The following PSME4 variants were observed in gnomAD, a reference collection of about 807,000 sequenced individuals.
PSME4 encodes the protein proteasome activator complex subunit 4.
A neutral mutation model predicts 253.9 loss-of-function variants in PSME4; 89 were observed. The observed-to-expected ratio is 0.35, with a 90% CI of 0.30 to 0.42. PSME4 has a LOEUF of 0.42. Among genes scored for constraint, PSME4 ranks in the 10% least tolerant of loss-of-function variants. The pLI is 1.00. For missense variants in PSME4, 2,014 were observed against 2,195.2 expected (o/e 0.92, Z 1.65); for synonymous variants, 851 against 759.2 (o/e 1.12, Z -1.99).
At chr2:53,875,545 T>C in intron 42 of PSME4, 82 bp downstream of exon 42, 1 of 1,323,288 alleles carries the variant, frequency 7.6e-7, no homozygotes, top group Non-Finnish European at 1.0e-6. Context: ...CTAGGCGCTG[T>C]GTGCACTGCA....
At chr2:53,964,646 C>G (rs181327762) in intron 1 of PSME4, among the ~76,000 whole-genome samples, 292 of 152,322 alleles carry the variant, frequency 1.9e-3, no homozygotes, top group Non-Finnish European at 3.3e-3. Flanking sequence ...ACATTAGATA[C>G]TCTTAGGTGC....
chr2:53,931,793 A>C, intron 10 of PSME4, 42 bp downstream of exon 10: 12 of 1,601,520 alleles, frequency 7.5e-6, no homozygotes, highest in Non-Finnish European at 1.0e-5. Flanking sequence ...ACAGACCAAA[A>C]GAAAAACCTA....
At chr2:53,871,965 G>A (rs1004196647) in intron 43 of PSME4, among the ~76,000 whole-genome samples, 1 of 152,096 alleles carries the variant, frequency 6.6e-6, no homozygotes, top group South Asian at 2.1e-4. Context: ...AGTGAGCCGA[G>A]ATCGCACCAC....
intron 20 of PSME4, among the ~76,000 whole-genome samples, chr2:53,914,621 G>A (rs537302649): frequency 4.7e-4 from 71 of 152,304 alleles, no homozygotes; most frequent in Admixed American, 1.0e-3. Flanking sequence ...AGTGGCTCAC[G>A]CCTGTGATCC....
At chr2:53,872,891 G>T (rs940160145) in intron 43 of PSME4, among the ~76,000 whole-genome samples, 1 of 131,056 alleles carries the variant, frequency 7.6e-6, no homozygotes, top group Non-Finnish European at 1.7e-5. Flanking sequence ...AGAATAATAA[G>T]AAATTAAAAA....
intron 19 of PSME4, among the ~76,000 whole-genome samples, chr2:53,919,987 G>A (rs566288224): frequency 5.1e-4 from 78 of 152,138 alleles, no homozygotes; most frequent in Non-Finnish European, 9.0e-4. Context: ...ATTAGAAAAA[G>A]AAACCCACAA....
chr2:53,869,281 C>T, intron 44 of PSME4, 95 bp downstream of exon 44: 2 of 1,235,294 alleles, frequency 1.6e-6, no homozygotes, highest in East Asian at 2.4e-5. Flanking sequence ...TAGACCTGGG[C>T]ACATACATAC....
At chr2:53,927,260 C>G in intron 12 of PSME4, 134 bp downstream of exon 12, 3 of 651,876 alleles carry the variant, frequency 4.6e-6, no homozygotes, top group Non-Finnish European at 8.0e-6. Context: ...TGTCCTGGCC[C>G]TCCATATGTA....
intron 3 of PSME4, among the ~76,000 whole-genome samples, chr2:53,947,251 G>T (rs1669753311): frequency 6.6e-6 from 1 of 152,136 alleles, no homozygotes; most frequent in Non-Finnish European, 1.5e-5. Flanking sequence ...CTAAGTAAAG[G>T]CTGAGGGTTA....
rs771686453 is a variant in PSME4, at chr2:53,927,501, G to T, written c.1504-18C>A. 3 of 1,502,706 alleles carry T rather than the reference G, an allele frequency of 2.0e-6. No homozygotes were observed. The highest frequency in any genetic ancestry group is 2.8e-5 in the African/African-American group (2 of 72,404). The allele number at this position is 1,502,706 out of a possible 1,614,324, so 93.1% of individuals were successfully genotyped here. A position where few individuals can be genotyped will look rare whatever the true frequency, so the allele number is the denominator to read the frequency against. On this transcript the variant is annotated intron_variant, in intron 11 of 46. Coordinates refer to ENST00000404125, the MANE Select transcript of PSME4 (RefSeq NM_014614.3). Reference sequence around the variant, plus strand: ...AATGTGATCTGTGGAAACATACAAAGGATTTTCAACATTACATAATTCTAA... The same window carrying T: ...AATGTGATCTGTGGAAACATACAAATGATTTTCAACATTACATAATTCTAA...
chr2:53,936,965 C>G (rs1485151439), intron 5 of PSME4, 138 bp from the exon 6 acceptor site: 1 of 589,242 alleles, frequency 1.7e-6, no homozygotes, highest in East Asian at 3.0e-5. Context: ...AAGTTATAAA[C>G]TTAATAAAAC....
At chr2:53,934,264 T>C (rs572583895) in intron 8 of PSME4, among the ~76,000 whole-genome samples, 16 of 152,214 alleles carry the variant, frequency 1.1e-4, no homozygotes, top group African/African-American at 1.7e-4. Flanking sequence ...GAGTAAGTAA[T>C]GGAGTCTAAG....
At chr2:53,900,119 A>G (rs907497809) in intron 28 of PSME4, 102 bp from the exon 29 acceptor site, 10 of 1,049,404 alleles carry the variant, frequency 9.5e-6, no homozygotes, top group Non-Finnish European at 1.2e-5. Flanking sequence ...CCAGACACAA[A>G]AGTCCACATA....
chr2:53,938,769 C>A (rs116678317), intron 4 of PSME4, among the ~76,000 whole-genome samples: 4,953 of 152,268 alleles, frequency 0.033, 103 homozygotes, highest in Non-Finnish European at 0.047. Flanking sequence ...ATACTGCAAT[C>A]TTCTATGTGA....
chr2:53,878,613 G>C (rs1199997769), intron 41 of PSME4, among the ~76,000 whole-genome samples: 2 of 152,228 alleles, frequency 1.3e-5, no homozygotes, highest in African/African-American at 4.8e-5. Flanking sequence ...TCCCTAAGGG[G>C]AGGCCTCTGA....
intron 17 of PSME4, 65 bp from the exon 18 acceptor site, chr2:53,921,169 C>T: frequency 6.3e-7 from 1 of 1,598,174 alleles, no homozygotes; most frequent in Non-Finnish European, 8.5e-7. Flanking sequence ...ATCATTAATG[C>T]AAAGTTCAAT....
At chr2:53,900,721 C>T (rs546204348) in intron 28 of PSME4, among the ~76,000 whole-genome samples, 9 of 152,036 alleles carry the variant, frequency 5.9e-5, no homozygotes, top group African/African-American at 2.2e-4. Flanking sequence ...AAATAGCAAC[C>T]CTATGTTTGA....
intron 1 of PSME4, among the ~76,000 whole-genome samples, 184 bp downstream of exon 1, chr2:53,970,359 A>C (rs1232472089): frequency 6.6e-6 from 1 of 152,166 alleles, no homozygotes; most frequent in Non-Finnish European, 1.5e-5. Flanking sequence ...TCCCGTAGGA[A>C]AGTGGCAGGG....
rs1558413945 is a variant in PSME4 at position 53,940,968 on chromosome 2, T to TAATAC, written c.501-969_501-968insGTATT. ...ATATATATACATATATATATATATA[T>TAATAC]ATATATATATATATATATATATATA... is the stretch of plus-strand genomic sequence containing the variant. On this transcript the variant is annotated intron_variant, in intron 3 of 46. Coordinates refer to ENST00000404125, the MANE Select transcript of PSME4 (RefSeq NM_014614.3). 4.4e-4 allele frequency among the ~76,000 whole-genome samples: 31 copies of TAATAC among 70,506 alleles called. 1 individual carries two copies. The highest frequency in any genetic ancestry group is 9.0e-4 in the Non-Finnish European group (29 of 32,110). The allele number at this position is 70,506 out of a possible 152,430, so 46.3% of individuals were successfully genotyped here.
Sources: allele counts gnomAD v4.1 joint callset (sites outside exome capture counted in the v4.1 genomes callset), GRCh38; gene constraint gnomAD v4.1.1; transcripts MANE v1.5; gene names NCBI Gene and HGNC (gene_info 2026-07-23, HGNC 2026-07-21).